Variants in LMBR1 observed in about 807,000 individuals in gnomAD.
The protein encoded by LMBR1 is limb development membrane protein 1.
Under a neutral mutation model 73.9 loss-of-function variants are expected in LMBR1, and 52 were observed. The ratio of observed to expected loss-of-function variants is 0.70; its 90% confidence interval spans 0.56 to 0.89. LMBR1 has a LOEUF of 0.89. LMBR1 is among the 40% of genes least tolerant of loss of function. The pLI, the probability that LMBR1 is intolerant of heterozygous loss-of-function variation, is 0.00. For synonymous variants in LMBR1, 215 were observed against 209.4 expected, an observed-to-expected ratio of 1.03 and a Z score of -0.23; for missense variants, 539 against 579.8, an observed-to-expected ratio of 0.93 and a Z score of 0.72.
intron 15 of LMBR1, among the ~76,000 whole-genome samples, chr7:156,699,965 C>T (rs529926403): frequency 9.2e-5 from 14 of 151,800 alleles, no homozygotes; most frequent in Admixed American, 2.0e-4. Flanking sequence ...GACTGTCAAC[C>T]GTTGTGGAAG....
intron 4 of LMBR1, among the ~76,000 whole-genome samples, chr7:156,813,613 T>C (rs1194982700): frequency 6.6e-6 from 1 of 152,200 alleles, no homozygotes; most frequent in Non-Finnish European, 1.5e-5. Context: ...CCAGTATACA[T>C]TTCTACAGTG....
At chr7:156,821,223 A>G (rs188949695) in intron 4 of LMBR1, among the ~76,000 whole-genome samples, 89 of 152,348 alleles carry the variant, frequency 5.8e-4, no homozygotes, top group Non-Finnish European at 9.7e-4. Context: ...AAGTTACATA[A>G]AGAAGTGCCG....
intron 5 of LMBR1, among the ~76,000 whole-genome samples, chr7:156,782,537 G>C (rs1827334586): frequency 6.6e-6 from 1 of 150,924 alleles, no homozygotes; most frequent in Admixed American, 6.6e-5. Flanking sequence ...TTGCAGTTTT[G>C]TTTGTTTGTT....
intron 1 of LMBR1, among the ~76,000 whole-genome samples, chr7:156,887,718 A>G (rs1384793899): frequency 2.0e-5 from 3 of 152,190 alleles, no homozygotes. Flanking sequence ...CTAGCAATAG[A>G]GTAAAAAGGC....
chr7:156,704,272 A>G (rs905631866), intron 15 of LMBR1, among the ~76,000 whole-genome samples: 9 of 152,300 alleles, frequency 5.9e-5, no homozygotes, highest in Admixed American at 5.2e-4. Flanking sequence ...TCCCCAGTAC[A>G]ACTTCACAAT....
intron 4 of LMBR1, among the ~76,000 whole-genome samples, chr7:156,800,482 C>CAAAAAAAAAAAAAA (rs1245017996): frequency 0.04 from 3,254 of 80,652 alleles, 254 homozygotes; most frequent in Non-Finnish European, 0.048. Context: ...ACTTGCTACT[C>CAAAAAAAAAAAAAA]AAAAAAAAAA....
intron 9 of LMBR1, among the ~76,000 whole-genome samples, chr7:156,743,439 A>T (rs1010397743): frequency 2.6e-5 from 4 of 152,174 alleles, no homozygotes; most frequent in Non-Finnish European, 4.4e-5. Context: ...TGAATCAGAA[A>T]ACTAAACTCA....
At chr7:156,863,834 A>C (rs1277042391) in intron 1 of LMBR1, among the ~76,000 whole-genome samples, 1 of 152,206 alleles carries the variant, frequency 6.6e-6, no homozygotes, top group South Asian at 2.1e-4. Context: ...GTATGAAGCA[A>C]AAGTATTAAT....
chr7:156,854,916 T>C (rs1796731989), intron 1 of LMBR1, among the ~76,000 whole-genome samples: 1 of 152,218 alleles, frequency 6.6e-6, no homozygotes, highest in Non-Finnish European at 1.5e-5. Context: ...CTCTGAAACC[T>C]GTAGCTACTT....
At chr7:156,870,743 C>T (rs1586360590) in intron 1 of LMBR1, among the ~76,000 whole-genome samples, 1 of 147,648 alleles carries the variant, frequency 6.8e-6, no homozygotes, top group African/African-American at 2.5e-5. Flanking sequence ...GGCGACAGAG[C>T]GAGACTCTGT....
intron 5 of LMBR1, among the ~76,000 whole-genome samples, chr7:156,790,898 C>T (rs566929559): frequency 6.6e-6 from 1 of 152,256 alleles, no homozygotes; most frequent in African/African-American, 2.4e-5. Context: ...TGGTTATAAC[C>T]ACACCTTTAC....
At chr7:156,827,353 A>T (rs939952067) in intron 3 of LMBR1, among the ~76,000 whole-genome samples, 1 of 152,168 alleles carries the variant, frequency 6.6e-6, no homozygotes, top group Non-Finnish European at 1.5e-5. Context: ...AATAGGTACT[A>T]ATATGGAAGA....
intron 15 of LMBR1, among the ~76,000 whole-genome samples, chr7:156,714,370 C>T (rs1386604267): frequency 6.6e-6 from 1 of 152,122 alleles, no homozygotes; most frequent in Non-Finnish European, 1.5e-5. Context: ...TTAGGTTTTG[C>T]CGGAGAACGG....
At chr7:156,847,909 G>T (rs2134039864) in intron 1 of LMBR1, among the ~76,000 whole-genome samples, 1 of 152,264 alleles carries the variant, frequency 6.6e-6, no homozygotes, top group South Asian at 2.1e-4. Flanking sequence ...AATCCCGTTA[G>T]ATTTGGTATT....
At chr7:156,870,033 A>AT (rs1799038504) in intron 1 of LMBR1, among the ~76,000 whole-genome samples, 1 of 152,244 alleles carries the variant, frequency 6.6e-6, no homozygotes, top group African/African-American at 2.4e-5. Context: ...ATAAGTATAC[A>AT]TGCAACCAAC....
rs961384624 is a variant in LMBR1 at position 156,678,672 on chromosome 7, G to C, written c.*5406C>G. On this transcript the variant is annotated 3_prime_UTR_variant, in exon 17 of 17. Coordinates refer to ENST00000353442, the MANE Select transcript of LMBR1 (RefSeq NM_022458.4). ...TCAGCGGACAGGGAGAGCCCTGTCT[G>C]CTGCCCTCATTGTGTCTTCCTGGTC... 1.8e-4 allele frequency: 27 copies of C among 152,176 alleles called. No homozygotes were observed. Among genetic ancestry groups the C allele is most frequent in the African/African-American group, 6.3e-4 (26 of 41,440 alleles). 9.4% of individuals were successfully genotyped at this position (152,176 alleles called of 1,614,324 possible). A position where few individuals can be genotyped will look rare whatever the true frequency, so the allele number is the denominator to read the frequency against.
At chr7:156,879,387 G>C (rs182290920) in intron 1 of LMBR1, among the ~76,000 whole-genome samples, 1 of 152,080 alleles carries the variant, frequency 6.6e-6, no homozygotes, top group African/African-American at 2.4e-5. Context: ...CTAACTGGCC[G>C]GGCACGGTGG....
At chr7:156,714,051 C>T (rs866672519) in intron 15 of LMBR1, among the ~76,000 whole-genome samples, 1 of 152,148 alleles carries the variant, frequency 6.6e-6, no homozygotes, top group South Asian at 2.1e-4. Flanking sequence ...GAAGACAAGA[C>T]TTTTTAAACA....
intron 1 of LMBR1, among the ~76,000 whole-genome samples, chr7:156,890,302 T>A (rs1239489739): frequency 6.6e-6 from 1 of 152,020 alleles, no homozygotes; most frequent in Non-Finnish European, 1.5e-5. Flanking sequence ...ATCGGGACAT[T>A]AAAAGTACTC....
Sources: allele counts gnomAD v4.1 joint callset (sites outside exome capture counted in the v4.1 genomes callset), GRCh38; gene constraint gnomAD v4.1.1; transcripts MANE v1.5; gene names NCBI Gene and HGNC (gene_info 2026-07-23, HGNC 2026-07-21).